Variants in C11orf65 observed in about 807,000 individuals in gnomAD.
C11orf65 encodes the protein chromosome 11 open reading frame 65.
Under a neutral mutation model 35.3 loss-of-function variants are expected in C11orf65, and 38 were observed. That is an observed-to-expected ratio of 1.08 (90% CI 0.83 to 1.41). The LOEUF is 1.41. Among genes scored for constraint, C11orf65 ranks in the 40% most tolerant of loss-of-function variants. The pLI is 0.00. For missense variants in C11orf65, 370 were observed against 367.1 expected (o/e 1.01, Z -0.06); for synonymous variants, 105 against 114.4 (o/e 0.92, Z 0.53).
chr11:108,445,719 C>A (rs936958107), intron 2 of C11orf65, among the ~76,000 whole-genome samples: 1 of 152,138 alleles, frequency 6.6e-6, no homozygotes, highest in Non-Finnish European at 1.5e-5. Context: ...GAGCACCTCT[C>A]CTCCTCCAAA....
rs1555151266 is a variant in C11orf65, at chr11:108,365,102, C to G, written c.226+28106G>C. ...TTTAGGTCCTTCTATATGATCCACT[C>G]TTTGACTGGACCATGAATCCTTTGA... On this transcript the variant is annotated intron_variant, in intron 2 of 3. Transcript: ENST00000524755. 7.4e-6 allele frequency: 12 copies of G among 1,614,180 alleles called. No homozygotes were observed. The highest frequency in any genetic ancestry group is 1.7e-5 in the Admixed American group (1 of 60,022).
chr11:108,336,092 T>C, intron 2 of C11orf65: 1 of 694,560 alleles, frequency 1.4e-6, no homozygotes, highest in Non-Finnish European at 2.6e-6. Context: ...AGGCCAGGAG[T>C]TCGAGACCAG....
chr11:108,398,810 G>A lies in C11orf65; in HGVS notation c.561-5432C>T, dbSNP rs192372581. ...ATGTTGTATGAAATAAAATGATGAC[G>A]ATGGATAACGCATTCTGTTATGAGA... On this transcript the variant is annotated intron_variant, in intron 6 of 8. Coordinates refer to ENST00000393084, the MANE Select transcript of C11orf65 (RefSeq NM_152587.5). 1.8e-4 allele frequency among the ~76,000 whole-genome samples: 27 copies of A among 152,320 alleles called. 1 individual carries two copies. The highest frequency in any genetic ancestry group is 1.4e-3 in the Admixed American group (22 of 15,300).
intron 5 of C11orf65, among the ~76,000 whole-genome samples, chr11:108,406,099 T>C (rs570828165): frequency 1.1e-4 from 17 of 152,338 alleles, no homozygotes; most frequent in South Asian, 1.0e-3. Context: ...ATATTTGCCC[T>C]TATTAAACCA....
At chr11:108,374,914 A>C (rs2091680634) in intron 2 of C11orf65, among the ~76,000 whole-genome samples, 1 of 152,216 alleles carries the variant, frequency 6.6e-6, no homozygotes, top group Non-Finnish European at 1.5e-5. Flanking sequence ...GAATAAAATG[A>C]AGCGAGAAGG....
intron 6 of C11orf65, among the ~76,000 whole-genome samples, chr11:108,403,557 A>C (rs905782051): frequency 2.6e-5 from 4 of 151,756 alleles, no homozygotes; most frequent in Non-Finnish European, 5.9e-5. Context: ...CCTGACTTCT[A>C]TGTCCTCTTT....
At chr11:108,397,861 G>C (rs116476792) in intron 6 of C11orf65, among the ~76,000 whole-genome samples, 1,636 of 152,278 alleles carry the variant, frequency 0.011, 28 homozygotes, top group African/African-American at 0.037. Flanking sequence ...AAATAGAACA[G>C]AGTCTCTGCT....
intron 2 of C11orf65, chr11:108,365,037 TA>T (rs1565607112): frequency 1.2e-6 from 2 of 1,604,336 alleles, no homozygotes; most frequent in South Asian, 2.2e-5. Context: ...AGTATGTGAT[TA>T]AAATGTACAT....
chr11:108,326,293 A>C (rs2085682613), intron 6 of C11orf65: 15 of 1,551,144 alleles, frequency 9.7e-6, no homozygotes, highest in Middle Eastern at 3.7e-4. Flanking sequence ...GTACTTTAAA[A>C]TATTTTTAAT....
intron 2 of C11orf65, among the ~76,000 whole-genome samples, chr11:108,346,195 CCT>C (rs1442539111): frequency 6.6e-6 from 1 of 151,996 alleles, no homozygotes; most frequent in Non-Finnish European, 1.5e-5. Flanking sequence ...TATTTTCTCT[CCT>C]CTCAATATAT....
At chr11:108,350,882 T>C (rs1444928521) in intron 2 of C11orf65, among the ~76,000 whole-genome samples, 5 of 152,208 alleles carry the variant, frequency 3.3e-5, no homozygotes, top group African/African-American at 1.2e-4. Flanking sequence ...TGTTTGGCAT[T>C]ATCCACTAAA....
intron 2 of C11orf65, among the ~76,000 whole-genome samples, chr11:108,353,452 A>T (rs971169736): frequency 6.6e-6 from 1 of 152,094 alleles, no homozygotes; most frequent in Non-Finnish European, 1.5e-5. Flanking sequence ...CAGCCTAAAA[A>T]TTTTTTAAAT....
At chr11:108,364,314 C>G (rs1290971644) in intron 2 of C11orf65, among the ~76,000 whole-genome samples, 1 of 152,066 alleles carries the variant, frequency 6.6e-6, no homozygotes, top group Non-Finnish European at 1.5e-5. Context: ...TTGCTAAAGC[C>G]TATTTTTTTT....
chr11:108,363,431 T>TAA (rs2091019730), intron 2 of C11orf65, among the ~76,000 whole-genome samples: 1 of 152,232 alleles, frequency 6.6e-6, no homozygotes, highest in Non-Finnish European at 1.5e-5. Context: ...TTATGTGTTA[T>TAA]GCTAAGGAAA....
At chr11:108,387,534 C>T (rs1352696538) in intron 7 of C11orf65, among the ~76,000 whole-genome samples, 1 of 152,054 alleles carries the variant, frequency 6.6e-6, no homozygotes, top group Admixed American at 6.6e-5. Context: ...GTATTTAATA[C>T]TTATTTTTAT....
chr11:108,458,162 T>C (rs1000286298), intron 2 of C11orf65, among the ~76,000 whole-genome samples: 2 of 152,072 alleles, frequency 1.3e-5, no homozygotes, highest in African/African-American at 4.8e-5. Context: ...TTCTTCAGGT[T>C]CTATCTTTTT....
intron 5 of C11orf65, among the ~76,000 whole-genome samples, chr11:108,405,812 T>C (rs904383991): frequency 1.3e-5 from 2 of 152,176 alleles, no homozygotes; most frequent in Admixed American, 6.5e-5. Flanking sequence ...AATGGATAAA[T>C]AAACAGATAT....
chr11:108,347,517 C>G (rs935686631), intron 2 of C11orf65: 1 of 660,498 alleles, frequency 1.5e-6, no homozygotes, highest in Middle Eastern at 4.3e-4. Context: ...AACAGTTGTC[C>G]TAGAAGAAAC....
At chr11:108,334,437 ATTC>A (rs1416078286) in intron 3 of C11orf65, among the ~76,000 whole-genome samples, 1 of 152,198 alleles carries the variant, frequency 6.6e-6, no homozygotes, top group Non-Finnish European at 1.5e-5. Flanking sequence ...CTGTTCTAAT[ATTC>A]TTTTATTGCA....
Sources: allele counts gnomAD v4.1 joint callset (sites outside exome capture counted in the v4.1 genomes callset), GRCh38; gene constraint gnomAD v4.1.1; transcripts MANE v1.5; gene names NCBI Gene and HGNC (gene_info 2026-07-23, HGNC 2026-07-21).